TLL1: variants seen among roughly 807,000 people sequenced by gnomAD.
TLL1 encodes the protein tolloid-like protein 1.
A neutral mutation model predicts 128.2 loss-of-function variants in TLL1; 49 were observed. The ratio of observed to expected loss-of-function variants is 0.38; its 90% CI spans 0.30 to 0.48. TLL1 has a LOEUF of 0.48. TLL1 is among the 20% of genes least tolerant of loss of function. The probability of loss-of-function intolerance (pLI) is 0.96; values close to 1 mark genes in which losing one functional copy is unlikely to be tolerated. For missense variants in TLL1, 1,123 were observed against 1,242.0 expected (o/e 0.90, Z 1.44); for synonymous variants, 454 against 418.8 (o/e 1.08, Z -1.03).
intron 1 of TLL1, among the ~76,000 whole-genome samples, chr4:165,949,001 A>T (rs193128509): frequency 6.6e-6 from 1 of 152,260 alleles, no homozygotes; most frequent in East Asian, 1.9e-4. Flanking sequence ...TATAATTAAG[A>T]TGTAATCACC....
chr4:165,919,770 T>C, intron 1 of TLL1: 1 of 455,868 alleles, frequency 2.2e-6, no homozygotes, highest in East Asian at 7.0e-5. Context: ...GCAGTATTAG[T>C]GCCTCTTGCA....
chr4:166,098,365 C>CTCTGACTA (rs1742126112), intron 19 of TLL1, among the ~76,000 whole-genome samples: 1 of 140,150 alleles, frequency 7.1e-6, no homozygotes, highest in African/African-American at 2.6e-5. Flanking sequence ...AGCTTTGGGG[C>CTCTGACTA]TCTGACTACA....
intron 1 of TLL1, among the ~76,000 whole-genome samples, chr4:165,953,578 AAAAAG>A (rs200028215): frequency 0.046 from 6,694 of 144,534 alleles, 465 homozygotes; most frequent in African/African-American, 0.18. Flanking sequence ...AAAAAAAAAA[AAAAAG>A]AAAGAAGGAA....
intron 7 of TLL1, among the ~76,000 whole-genome samples, chr4:166,014,220 A>C (rs1264085013): frequency 6.6e-6 from 1 of 151,940 alleles, no homozygotes; most frequent in Non-Finnish European, 1.5e-5. Context: ...AAACAAATGA[A>C]TGTCATCATT....
In TLL1 at chr4:166,078,144, G is replaced by T. The variant is rs1741121683; in HGVS notation, c.2442+114G>T. Reference sequence around the variant, plus strand: ...AATTGAATCGAATCGTAGGCAGCTGGAAAAGATTTTTTGTCTCATGCTTTC... The same window carrying T: ...AATTGAATCGAATCGTAGGCAGCTGTAAAAGATTTTTTGTCTCATGCTTTC... On this transcript the variant is annotated intron_variant, in intron 18 of 20. Coordinates refer to ENST00000061240, the MANE Select transcript of TLL1 (RefSeq NM_012464.5). 19 of 1,516,998 alleles carry T rather than the reference G, an allele frequency of 1.3e-5. No homozygotes were observed. The Admixed American group carries it at 1.6e-4, about 13-fold the overall frequency. The allele number at this position is 1,516,998 out of a possible 1,614,324, so 94.0% of individuals were successfully genotyped here.
At chr4:165,967,176 G>C (rs540622182) in intron 1 of TLL1, among the ~76,000 whole-genome samples, 3 of 152,112 alleles carry the variant, frequency 2.0e-5, no homozygotes, top group Admixed American at 1.3e-4. Flanking sequence ...CTGGCCCCTC[G>C]GGCAGTCAGG....
At chr4:166,048,976 T>A (rs1410409023) in intron 12 of TLL1, among the ~76,000 whole-genome samples, 1 of 152,190 alleles carries the variant, frequency 6.6e-6, no homozygotes, top group Non-Finnish European at 1.5e-5. Flanking sequence ...TCTAAATCCT[T>A]TAAATATTTT....
chr4:166,088,652 G>C (rs956068783), intron 18 of TLL1, among the ~76,000 whole-genome samples: 3 of 152,088 alleles, frequency 2.0e-5, no homozygotes, highest in African/African-American at 7.2e-5. Context: ...TAATGAATGA[G>C]AGTTGTCTGC....
intron 1 of TLL1, among the ~76,000 whole-genome samples, chr4:165,988,075 T>C (rs1240960666): frequency 6.6e-6 from 1 of 152,156 alleles, no homozygotes; most frequent in Non-Finnish European, 1.5e-5. Context: ...ATGATTAATT[T>C]CTTATTTCTC....
intron 1 of TLL1, among the ~76,000 whole-genome samples, chr4:165,942,905 A>G (rs1228703425): frequency 6.6e-6 from 1 of 152,004 alleles, no homozygotes; most frequent in African/African-American, 2.4e-5. Context: ...GTAGTTTATC[A>G]CTGGTCCTGG....
rs1323250165 is a variant in TLL1 at position 166,104,259 on chromosome 4, T to G, written c.*3383T>G. On this transcript the variant is annotated 3_prime_UTR_variant, in exon 21 of 21. Transcript: ENST00000061240. ...TTAAAATTTATTTTTAAAAGAAACA[T>G]TAAATTATATCTTTATGTAGATTTA... Among the ~76,000 whole-genome samples, 1 of 151,970 alleles carries G rather than the reference T, an allele frequency of 6.6e-6. No individual in the cohort carries two copies. The highest frequency in any genetic ancestry group is 1.5e-5 in the Non-Finnish European group (1 of 67,942).
rs141133295 is a variant in TLL1 at position 165,987,373 on chromosome 4, C to T, written c.170-2008C>T. On this transcript the variant is annotated intron_variant, in intron 1 of 20. Transcript: ENST00000061240. Reference sequence around the variant, plus strand: ...ATATTTAACTTGGGTAAGTTTCTTGCGGGGGTCTGGCTTTAGGGATGCTGG... The same window carrying T: ...ATATTTAACTTGGGTAAGTTTCTTGTGGGGGTCTGGCTTTAGGGATGCTGG... 7.5e-3 allele frequency among the ~76,000 whole-genome samples: 1,144 copies of T among 152,028 alleles called. 13 individuals are homozygous for T. The highest frequency in any genetic ancestry group is 0.023 in the African/African-American group (955 of 41,478).
At chr4:165,968,454 TACAG>T (rs1735491096) in intron 1 of TLL1, among the ~76,000 whole-genome samples, 1 of 152,180 alleles carries the variant, frequency 6.6e-6, no homozygotes. Context: ...TACATAGGAA[TACAG>T]ACTAAGCAAT....
At chr4:166,047,509 A>ATATAT (rs71974428) in intron 12 of TLL1, among the ~76,000 whole-genome samples, 235 of 147,946 alleles carry the variant, frequency 1.6e-3, no homozygotes, top group Non-Finnish European at 3.0e-3. Flanking sequence ...ATAATTAATA[A>ATATAT]TATATTATAT....
At chr4:165,919,783 C>T in intron 1 of TLL1, 1 of 455,918 alleles carries the variant, frequency 2.2e-6, no homozygotes, top group Non-Finnish European at 4.4e-6. Flanking sequence ...CTCTTGCAGG[C>T]CTTGTTTAAA....
chr4:165,911,646 C>G, intron 1 of TLL1, among the ~76,000 whole-genome samples: 1 of 152,166 alleles, frequency 6.6e-6, no homozygotes, highest in South Asian at 2.1e-4. Flanking sequence ...TCTGAACCCC[C>G]TTTTTTTAAT....
intron 7 of TLL1, among the ~76,000 whole-genome samples, chr4:166,010,785 T>C (rs1271375214): frequency 1.3e-5 from 2 of 151,266 alleles, no homozygotes; most frequent in Non-Finnish European, 3.0e-5. Flanking sequence ...TTGGGTCTTA[T>C]GTTTATTTAT....
intron 1 of TLL1, among the ~76,000 whole-genome samples, chr4:165,879,742 G>A (rs1730896594): frequency 6.6e-6 from 1 of 151,950 alleles, no homozygotes; most frequent in South Asian, 2.1e-4. Context: ...GGAAGTGGTG[G>A]GGGTGGGTGA....
At chr4:165,984,142 CAA>C (rs1736290155) in intron 1 of TLL1, among the ~76,000 whole-genome samples, 1 of 151,928 alleles carries the variant, frequency 6.6e-6, no homozygotes, top group South Asian at 2.1e-4. Flanking sequence ...AGGAATTTAA[CAA>C]AGACACATAC....
Sources: allele counts gnomAD v4.1 joint callset (sites outside exome capture counted in the v4.1 genomes callset), GRCh38; gene constraint gnomAD v4.1.1; transcripts MANE v1.5; gene names NCBI Gene and HGNC (gene_info 2026-07-23, HGNC 2026-07-21).